CNTN4: variants seen among roughly 807,000 people sequenced by gnomAD.
The protein encoded by CNTN4 is contactin-4.
A neutral mutation model predicts 122.5 loss-of-function variants in CNTN4; 77 were observed. The ratio of observed to expected loss-of-function variants is 0.63; its 90% CI spans 0.52 to 0.76. The LOEUF is 0.76. CNTN4 is among the 30% of genes least tolerant of loss of function. The pLI is 0.00. For synonymous variants in CNTN4, 512 were observed against 447.0 expected (o/e 1.15, Z -1.83); for missense variants, 1,256 against 1,259.1 (o/e 1.00, Z 0.04).
Position 2,535,400 on chromosome 3 carries a change from G to C in CNTN4, c.-88-36016G>C, listed in dbSNP as rs9822638. On this transcript the variant is annotated intron_variant, in intron 3 of 24. Coordinates refer to ENST00000418658, the MANE Select transcript of CNTN4 (RefSeq NM_175607.3). ...TTCAGTTTTCAATTCTCTTTCATTT[G>C]ATCATAGGCTTCTTCTGTGTTTTTT... 1.3e-3 allele frequency among the ~76,000 whole-genome samples: 202 copies of C among 152,132 alleles called. 1 individual carries two copies. Among genetic ancestry groups the C allele is most frequent in the African/African-American group, 4.6e-3 (192 of 41,518 alleles).
At chr3:2,113,400 GCC>G (rs1437156373) in intron 2 of CNTN4, among the ~76,000 whole-genome samples, 3 of 152,176 alleles carry the variant, frequency 2.0e-5, no homozygotes, top group African/African-American at 7.2e-5. Flanking sequence ...TGTAATTGTA[GCC>G]CATTGATTGG....
intron 2 of CNTN4, among the ~76,000 whole-genome samples, chr3:2,193,746 G>T (rs1011437360): frequency 2.0e-5 from 3 of 152,134 alleles, no homozygotes; most frequent in Non-Finnish European, 2.9e-5. Context: ...GGCCCCATAA[G>T]ATTATAATAC....
intron 3 of CNTN4, among the ~76,000 whole-genome samples, chr3:2,387,848 C>T (rs997855621): frequency 6.6e-6 from 1 of 152,114 alleles, no homozygotes; most frequent in African/African-American, 2.4e-5. Context: ...AGACAGAAAA[C>T]AAAGAGCTGG....
intron 6 of CNTN4, among the ~76,000 whole-genome samples, chr3:2,805,664 C>T (rs1185491229): frequency 1.3e-5 from 2 of 152,052 alleles, no homozygotes; most frequent in African/African-American, 2.4e-5. Context: ...GCATTGAAAA[C>T]AATGGGGGCA....
At chr3:2,320,201 G>T (rs11713300) in intron 2 of CNTN4, among the ~76,000 whole-genome samples, 18,826 of 152,166 alleles carry the variant, frequency 0.12, 1,424 homozygotes, top group Non-Finnish European at 0.17. Context: ...AGAATGAGAA[G>T]TGGGGGGATT....
In CNTN4 at chr3:2,610,129, A is replaced by G. The variant is rs546531811; in HGVS notation, c.55+38571A>G. ...CCAGGTTTTACAAAACACTCATTCCATATTGTCTATCACTCCCACTCTATT... is the reference window on the plus strand; with the variant it reads ...CCAGGTTTTACAAAACACTCATTCCGTATTGTCTATCACTCCCACTCTATT... On this transcript the variant is annotated intron_variant, in intron 4 of 24. Coordinates refer to ENST00000418658, the MANE Select transcript of CNTN4 (RefSeq NM_175607.3). 6.3e-4 allele frequency among the ~76,000 whole-genome samples: 96 copies of G among 152,158 alleles called. 1 individual carries two copies. The highest frequency in any genetic ancestry group is 2.3e-3 in the African/African-American group (94 of 41,458).
rs2078630938 is a variant in CNTN4, at chr3:2,554,304, T to C, written c.-88-17112T>C. The stretch of plus-strand genomic sequence containing the variant: ...ATATTTGTAAGTTTTAACTGGCTAG[T>C]TTTATAACATATATTAATTTCTAAA... On this transcript the variant is annotated intron_variant, in intron 3 of 24. Transcript: ENST00000418658. 2.0e-5 allele frequency among the ~76,000 whole-genome samples: 3 copies of C among 152,270 alleles called. No homozygotes were observed. The South Asian group carries it at 6.2e-4, about 32-fold the overall frequency.
intron 12 of CNTN4, among the ~76,000 whole-genome samples, chr3:2,911,725 A>G (rs2094301896): frequency 6.6e-6 from 1 of 150,570 alleles, no homozygotes; most frequent in Non-Finnish European, 1.5e-5. Flanking sequence ...AGTATCAACG[A>G]GATAAAAGAT....
chr3:3,037,899 G>A lies in CNTN4; in HGVS notation c.2092+571G>A, dbSNP rs79454826. On this transcript the variant is annotated intron_variant, in intron 18 of 24. Coordinates refer to ENST00000418658, the MANE Select transcript of CNTN4 (RefSeq NM_175607.3). The stretch of plus-strand genomic sequence containing the variant: ...CCCTCTGCATATGCAGCTTGAATGA[G>A]CACGGGGAGAGAAGAACAAGTTCAT... Among the ~76,000 whole-genome samples the A allele has an allele frequency of 2.7e-4, 41 of 152,260 alleles. No homozygotes were observed. In the East Asian group the frequency reaches 4.4e-3, roughly 17 times the overall value.
chr3:2,717,957 A>G (rs947212286), intron 4 of CNTN4, among the ~76,000 whole-genome samples: 1 of 152,166 alleles, frequency 6.6e-6, no homozygotes, highest in African/African-American at 2.4e-5. Flanking sequence ...CCATTTATAC[A>G]TCTCTGTTTG....
intron 2 of CNTN4, among the ~76,000 whole-genome samples, chr3:2,203,519 C>A (rs1445015130): frequency 2.6e-5 from 4 of 152,014 alleles, no homozygotes; most frequent in African/African-American, 4.8e-5. Flanking sequence ...GTTATATATA[C>A]CTGGGTCTTT....
rs558381192 is a variant in CNTN4, at chr3:2,385,191, T to C, written c.-89+45958T>C. On this transcript the variant is annotated intron_variant, in intron 3 of 24. Coordinates refer to ENST00000418658, the MANE Select transcript of CNTN4 (RefSeq NM_175607.3). The surrounding 1 kb of genome is among the most constrained non-coding windows in gnomAD (Gnocchi z 4.0). ...CATATCAACAAGGTTAATCCCAAAC[T>C]CTTTTTAAAAATAATCTGTCTACTA... Among the ~76,000 whole-genome samples, 1 of 152,320 alleles carries C rather than the reference T, an allele frequency of 6.6e-6. No homozygotes were observed. The highest frequency in any genetic ancestry group is 2.1e-4 in the South Asian group (1 of 4,832).
At chr3:2,757,396 C>G (rs973874353) in intron 6 of CNTN4, among the ~76,000 whole-genome samples, 35 of 152,274 alleles carry the variant, frequency 2.3e-4, no homozygotes, top group African/African-American at 8.2e-4. Context: ...TGGACTTCTT[C>G]CGTTTTCTAG....
chr3:2,219,262 T>G (rs1357337399), intron 2 of CNTN4, among the ~76,000 whole-genome samples: 1 of 152,206 alleles, frequency 6.6e-6, no homozygotes. Flanking sequence ...GCTTAACACT[T>G]TTTTTAGGGC....
intron 2 of CNTN4, among the ~76,000 whole-genome samples, chr3:2,151,473 A>T (rs532176343): frequency 6.6e-6 from 1 of 152,232 alleles, no homozygotes; most frequent in South Asian, 2.1e-4. Flanking sequence ...TAAATGACTG[A>T]ACACATTTCT....
At chr3:2,808,770 G>A (rs2092532818) in intron 6 of CNTN4, among the ~76,000 whole-genome samples, 1 of 149,578 alleles carries the variant, frequency 6.7e-6, no homozygotes, top group Non-Finnish European at 1.5e-5. Flanking sequence ...TCCACTTAAG[G>A]ATGGGGATGC....
intron 3 of CNTN4, among the ~76,000 whole-genome samples, chr3:2,452,911 C>CT (rs1389405937): frequency 1.3e-5 from 2 of 152,070 alleles, no homozygotes; most frequent in East Asian, 1.9e-4. Context: ...AAAAAATCAC[C>CT]TTTTTTTGTG....
Position 2,902,905 on chromosome 3 carries a change from CAACAT to C in CNTN4, c.1112_1116del (p.Ile371AsnfsTer17). The C allele has an allele frequency of 6.2e-7, 1 of 1,613,614 alleles. No homozygotes were observed. The highest frequency in any genetic ancestry group is 8.5e-7 in the Non-Finnish European group (1 of 1,179,768). ...GAATTCAAATTGAGCAAGGAACACT[CAACAT>C]AACAATAGTGAACCTCTCAGATGCT... On this transcript the variant is annotated frameshift_variant, in exon 12 of 25. Transcript: ENST00000418658. LOFTEE classifies it high-confidence loss of function.
intron 3 of CNTN4, among the ~76,000 whole-genome samples, chr3:2,397,781 A>G (rs2046694178): frequency 1.3e-5 from 2 of 152,202 alleles, no homozygotes; most frequent in South Asian, 4.1e-4. Flanking sequence ...TTATTTAGAA[A>G]TAATTAGTTT....
Sources: allele counts gnomAD v4.1 joint callset (sites outside exome capture counted in the v4.1 genomes callset), GRCh38; gene constraint gnomAD v4.1.1; non-coding constraint Gnocchi (gnomAD v3.1); transcripts MANE v1.5; gene names NCBI Gene and HGNC (gene_info 2026-07-23, HGNC 2026-07-21).